The following MDGA2 variants were observed in gnomAD, a reference collection of about 807,000 sequenced individuals.
The protein encoded by MDGA2 is MAM domain containing glycosylphosphatidylinositol anchor 2, also known as MAM domain-containing glycosylphosphatidylinositol anchor protein 2.
Under a neutral mutation model 117.8 loss-of-function variants are expected in MDGA2, and 40 were observed. The ratio of observed to expected loss-of-function variants is 0.34; its 90% CI spans 0.26 to 0.44. The LOEUF (loss-of-function observed/expected upper bound fraction) is 0.44. MDGA2 is among the 20% of genes least tolerant of loss of function. The pLI is 1.00. For missense variants in MDGA2, 1,123 were observed against 1,250.6 expected (o/e 0.90, Z 1.54); for synonymous variants, 452 against 439.0 (o/e 1.03, Z -0.37).
At chr14:47,381,394 T>A (rs1255169540) in intron 1 of MDGA2, among the ~76,000 whole-genome samples, 1 of 152,178 alleles carries the variant, frequency 6.6e-6, no homozygotes, top group East Asian at 1.9e-4. Flanking sequence ...TAAAGGGTAT[T>A]CAATTAGGAA....
chr14:46,933,322 C>G (rs1184183086), intron 9 of MDGA2, among the ~76,000 whole-genome samples: 1 of 151,890 alleles, frequency 6.6e-6, no homozygotes, highest in African/African-American at 2.4e-5. Context: ...AGATTGATTT[C>G]ATTACTAGCA....
At chr14:47,175,238 C>A (rs1225923469) in intron 3 of MDGA2, among the ~76,000 whole-genome samples, 35 of 151,686 alleles carry the variant, frequency 2.3e-4, no homozygotes, top group Non-Finnish European at 2.5e-4. Context: ...GAACTGGTAC[C>A]ATTCCTTGTG....
chr14:47,082,241 G>C (rs1333270943), intron 6 of MDGA2, among the ~76,000 whole-genome samples: 4 of 144,528 alleles, frequency 2.8e-5, no homozygotes, highest in Non-Finnish European at 6.1e-5. Context: ...AGAGAAAAAA[G>C]AAAAACCAAT....
intron 1 of MDGA2, among the ~76,000 whole-genome samples, chr14:47,329,804 G>C (rs1890243467): frequency 6.6e-6 from 1 of 151,658 alleles, no homozygotes; most frequent in Non-Finnish European, 1.5e-5. Flanking sequence ...CAGAACTCTA[G>C]GTAATCTAGC....
intron 3 of MDGA2, among the ~76,000 whole-genome samples, chr14:47,197,150 A>G (rs1217835166): frequency 6.6e-6 from 1 of 152,188 alleles, no homozygotes; most frequent in African/African-American, 2.4e-5. Flanking sequence ...GTCTATTTTT[A>G]TAATACGTAA....
At chr14:47,641,004 T>G (rs564203703) in intron 1 of MDGA2, among the ~76,000 whole-genome samples, 1 of 152,178 alleles carries the variant, frequency 6.6e-6, no homozygotes, top group East Asian at 1.9e-4. Flanking sequence ...CTTTACCTTT[T>G]TTTTTTGTTT....
chr14:47,629,605 A>G lies in MDGA2; in HGVS notation c.280+44912T>C, dbSNP rs75006372. On this transcript the variant is annotated intron_variant, in intron 1 of 16. Coordinates refer to ENST00000399232, the MANE Select transcript of MDGA2 (RefSeq NM_001113498.3). ...AGGGTAAGAAGAGATGCCTTATACAAAAGGAGATACAACTGTTTGTTATTA... is the reference window on the plus strand; with the variant it reads ...AGGGTAAGAAGAGATGCCTTATACAGAAGGAGATACAACTGTTTGTTATTA... 3.1e-3 allele frequency among the ~76,000 whole-genome samples: 466 copies of G among 152,338 alleles called. 16 individuals are homozygous for G. The East Asian group carries it at 0.067, about 22-fold the overall frequency.
At chr14:47,559,205 C>T (rs763567583) in intron 1 of MDGA2, among the ~76,000 whole-genome samples, 3 of 152,134 alleles carry the variant, frequency 2.0e-5, no homozygotes, top group Non-Finnish European at 4.4e-5. Context: ...AAGCATAGTA[C>T]ACGGCAGACA....
intron 1 of MDGA2, among the ~76,000 whole-genome samples, chr14:47,609,768 A>C (rs1896815147): frequency 6.6e-6 from 1 of 151,760 alleles, no homozygotes; most frequent in Non-Finnish European, 1.5e-5. Flanking sequence ...ATGGATTCAC[A>C]GCAGAATTCT....
chr14:47,192,467 T>C lies in MDGA2; in HGVS notation c.595+25554A>G, dbSNP rs562880387. Among the ~76,000 whole-genome samples, 14 of 151,872 alleles carry C rather than the reference T, an allele frequency of 9.2e-5. No individual in the cohort carries two copies. In the South Asian group the frequency reaches 2.5e-3, roughly 27 times the overall value. On this transcript the variant is annotated intron_variant, in intron 3 of 16. Transcript: ENST00000399232. ...CCATCTCTACAAAAAATACAAAAAT[T>C]AGCCTGGTGTGGTGGCACGTAGCTG...
intron 8 of MDGA2, among the ~76,000 whole-genome samples, chr14:46,964,147 C>A (rs1373366022): frequency 6.6e-6 from 1 of 152,124 alleles, no homozygotes; most frequent in Non-Finnish European, 1.5e-5. Context: ...CTGCAAAAAC[C>A]ATGTGAAGAG....
At chr14:47,543,152 G>A (rs1043167660) in intron 1 of MDGA2, among the ~76,000 whole-genome samples, 11 of 152,252 alleles carry the variant, frequency 7.2e-5, no homozygotes, top group Admixed American at 4.6e-4. Flanking sequence ...CGAAGCTGCT[G>A]TAAGCCATGA....
At chr14:47,447,430 GT>G (rs1277954990) in intron 1 of MDGA2, among the ~76,000 whole-genome samples, 3 of 152,150 alleles carry the variant, frequency 2.0e-5, no homozygotes, top group Non-Finnish European at 4.4e-5. Flanking sequence ...GTGCCAGTGG[GT>G]TATTGGGCTG....
At chr14:46,944,345 A>G (rs891192587) in intron 9 of MDGA2, among the ~76,000 whole-genome samples, 7 of 152,030 alleles carry the variant, frequency 4.6e-5, no homozygotes, top group African/African-American at 1.7e-4. Context: ...ATTGTCATAC[A>G]TATCATCAGA....
intron 8 of MDGA2, among the ~76,000 whole-genome samples, chr14:47,017,420 G>A (rs1888123487): frequency 6.6e-6 from 1 of 151,524 alleles, no homozygotes; most frequent in Admixed American, 6.6e-5. Context: ...CATACAATAA[G>A]AAATAAAATA....
chr14:46,875,233 C>G (rs1882178122), intron 12 of MDGA2, among the ~76,000 whole-genome samples: 1 of 151,662 alleles, frequency 6.6e-6, no homozygotes, highest in African/African-American at 2.4e-5. Context: ...TCTCTCCGAC[C>G]TACCCATAAG....
intron 1 of MDGA2, among the ~76,000 whole-genome samples, chr14:47,513,069 T>C (rs1325370002): frequency 2.0e-5 from 3 of 152,110 alleles, no homozygotes; most frequent in Non-Finnish European, 4.4e-5. Flanking sequence ...AGTCATTCCA[T>C]GTCAATAGCT....
At chr14:47,333,745 G>C (rs1328682208) in intron 1 of MDGA2, among the ~76,000 whole-genome samples, 1 of 93,688 alleles carries the variant, frequency 1.1e-5, no homozygotes, top group Non-Finnish European at 2.5e-5. Context: ...AATAAAATAA[G>C]ATAATTTCAC....
intron 14 of MDGA2, among the ~76,000 whole-genome samples, chr14:46,864,543 C>CTTTTTTTTTTT (rs1566496919): frequency 5.8e-5 from 1 of 17,190 alleles, no homozygotes; most frequent in Non-Finnish European, 1.2e-4. Context: ...GCAGATATTG[C>CTTTTTTTTTTT]TGTTTTTTTT....
Sources: gnomAD v4.1 joint callset for allele counts (sites outside exome capture counted in the v4.1 genomes callset) on GRCh38, gnomAD v4.1.1 for gene constraint, MANE v1.5 for transcripts, NCBI Gene and HGNC (gene_info 2026-07-23, HGNC 2026-07-21) for gene names.